MYO7A: variants seen among roughly 807,000 people sequenced by gnomAD.
The protein encoded by MYO7A is myosin VIIA.
A neutral mutation model predicts 263.8 loss-of-function variants in MYO7A; 210 were observed. That is an observed-to-expected ratio of 0.80 (90% CI 0.71 to 0.89). MYO7A has a LOEUF of 0.89. Among genes scored for constraint, MYO7A ranks in the 40% least tolerant of loss-of-function variants. The pLI is 0.00. For missense variants in MYO7A, 2,820 were observed against 2,968.3 expected, an observed-to-expected ratio of 0.95 and a Z score of 1.16; for synonymous variants, 1,239 against 1,197.3, an observed-to-expected ratio of 1.03 and a Z score of -0.72.
intron 44 of MYO7A, 64 bp from the exon 45 acceptor site, chr11:77,211,088 G>A: frequency 7.0e-7 from 1 of 1,422,050 alleles, no homozygotes; most frequent in East Asian, 2.5e-5. Flanking sequence ...GTCTTGGTGT[G>A]GTGGGAAAGG....
At chr11:77,191,934 T>C (rs980404197) in intron 30 of MYO7A, 117 bp from the exon 31 acceptor site, 3 of 862,850 alleles carry the variant, frequency 3.5e-6, no homozygotes, top group Non-Finnish European at 3.6e-6. Flanking sequence ...GCCTTGGACG[T>C]GTCCCTGCCC....
chr11:77,169,501 C>T (rs1225840147), intron 15 of MYO7A, among the ~76,000 whole-genome samples: 2 of 152,228 alleles, frequency 1.3e-5, no homozygotes, highest in East Asian at 3.8e-4. Flanking sequence ...CTCTCAGATC[C>T]TTTCTGGGGA....
intron 4 of MYO7A, among the ~76,000 whole-genome samples, chr11:77,154,907 G>T (rs548008223): frequency 1.3e-5 from 2 of 152,044 alleles, no homozygotes; most frequent in Non-Finnish European, 2.9e-5. Flanking sequence ...CTCTCCCTGC[G>T]TGGCCACAGT....
intron 46 of MYO7A, chr11:77,212,205 A>C (rs1285157761): frequency 1.7e-6 from 1 of 584,886 alleles, no homozygotes; most frequent in East Asian, 3.8e-5. Flanking sequence ...GTGTTCTGAC[A>C]CTGGGGAGCC....
chr11:77,147,665 T>G, intron 3 of MYO7A, 133 bp from the exon 4 acceptor site: 16 of 1,151,934 alleles, frequency 1.4e-5, no homozygotes, highest in South Asian at 4.3e-5. Flanking sequence ...ACTGACAGTG[T>G]CTGGCTGCCA....
rs1478464275 is a variant in MYO7A at position 77,203,068 on chromosome 11, C to T, written c.5177C>T (p.Pro1726Leu). ...EFSYDYFRPP[P>L]KHTLSRVMVS... ...TCCCTGTGCTGCGGCAGGCCCCCAC[C>T]CAAGCACACGCTGAGCCGTGTCATG... The change falls in exon 38 of 49, where the codon CCC becomes CTC. Residue 1726 changes from proline (P) to leucine (L), a missense_variant. Physicochemically the swap from Pro to Leu is moderately conservative, Grantham distance 98. Transcript: ENST00000409709. The T allele has an allele frequency of 3.2e-6, 5 of 1,548,008 alleles. No homozygotes were observed. The South Asian group carries it at 4.8e-5, about 15-fold the overall frequency.
intron 19 of MYO7A, 58 bp downstream of exon 19, chr11:77,177,701 G>A (rs1412178848): frequency 3.5e-6 from 5 of 1,441,664 alleles, no homozygotes; most frequent in Non-Finnish European, 3.8e-6. Flanking sequence ...TACGTGTGGT[G>A]TTTGGCTCTC....
At chr11:77,192,474 G>A (rs1956166892) in intron 31 of MYO7A, among the ~76,000 whole-genome samples, 196 bp downstream of exon 31, 1 of 152,196 alleles carries the variant, frequency 6.6e-6, no homozygotes. Context: ...GATGGCGGGA[G>A]CAAGGGCTTC....
chr11:77,133,402 A>C (rs1267475421), intron 2 of MYO7A, among the ~76,000 whole-genome samples: 2 of 152,104 alleles, frequency 1.3e-5, no homozygotes, highest in African/African-American at 4.8e-5. Flanking sequence ...GGGCAGAGGG[A>C]GGTTTGAAGA....
In MYO7A at chr11:77,162,296, T is replaced by A. The variant is rs1953075440; in HGVS notation, c.1520T>A (p.Ile507Asn). Residue 507 changes from isoleucine (I) to asparagine (N), a missense_variant, in exon 13 of 49, where the codon ATC becomes AAC. Coordinates refer to ENST00000409709, the MANE Select transcript of MYO7A (RefSeq NM_000260.4). ...ATTGCCAACAAGCCCATGAACATCATCTCCCTCATCGATGAGGAGAGCAAG... is the reference window on the plus strand; with the variant it reads ...ATTGCCAACAAGCCCATGAACATCAACTCCCTCATCGATGAGGAGAGCAAG... ...DMIANKPMNI[I>N]SLIDEESKFP... 1 of 1,552,000 alleles carries A rather than the reference T, an allele frequency of 6.4e-7. No homozygotes were observed. The highest frequency in any genetic ancestry group is 1.2e-5 in the South Asian group (1 of 84,066).
chr11:77,162,073 T>A, intron 12 of MYO7A, 47 bp from the exon 13 acceptor site: 1 of 1,524,802 alleles, frequency 6.6e-7, no homozygotes, highest in Non-Finnish European at 8.9e-7. Flanking sequence ...CTGAACAGCA[T>A]GGTGGGGCCT....
chr11:77,185,856 T>C (rs1955607681), intron 27 of MYO7A, among the ~76,000 whole-genome samples: 1 of 152,066 alleles, frequency 6.6e-6, no homozygotes, highest in Non-Finnish European at 1.5e-5. Flanking sequence ...TACTCCTTGA[T>C]CCATAGGTTG....
chr11:77,213,933 T>C lies in MYO7A; in HGVS notation c.6512T>C (p.Ile2171Thr), dbSNP rs1591515086. 3.1e-6 allele frequency: 5 copies of C among 1,614,022 alleles called. No homozygotes were observed. Among genetic ancestry groups the C allele is most frequent in the South Asian group, 2.2e-5 (2 of 91,080 alleles). ...SSGNTYFHIT[I>T]GNLVRGSKLL... ...GGCAACACCTACTTCCACATCACCA[T>C]TGGGAACTTGGTGCGCGGGAGCAAA... The change falls in exon 48 of 49, where the codon ATT (isoleucine) becomes ACT (threonine). Residue 2171 changes from isoleucine (I) to threonine (T), a missense_variant. Ile to Thr is a moderately conservative substitution (Grantham distance 89, BLOSUM62 -1). Transcript: ENST00000409709.
intron 27 of MYO7A, 54 bp from the exon 28 acceptor site, chr11:77,189,290 C>A (rs879958307): frequency 2.5e-6 from 4 of 1,605,332 alleles, no homozygotes; most frequent in Non-Finnish European, 3.4e-6. Flanking sequence ...GAGGTGGGGA[C>A]CGGGGCTGTT....
intron 4 of MYO7A, among the ~76,000 whole-genome samples, chr11:77,149,227 A>T (rs1951800943): frequency 7.1e-6 from 1 of 140,784 alleles, no homozygotes; most frequent in African/African-American, 2.7e-5. Context: ...AGCAGAGAGC[A>T]GGAGGGACCC....
At chr11:77,134,774 C>T (rs1318832323) in intron 2 of MYO7A, among the ~76,000 whole-genome samples, 2 of 149,708 alleles carry the variant, frequency 1.3e-5, no homozygotes, top group Non-Finnish European at 3.0e-5. Flanking sequence ...CAACATATAC[C>T]ACTTAACTTT....
intron 27 of MYO7A, among the ~76,000 whole-genome samples, chr11:77,186,148 C>G (rs1265157137): frequency 1.3e-5 from 2 of 152,106 alleles, no homozygotes; most frequent in East Asian, 3.9e-4. Context: ...TCTTGAACTC[C>G]TGACCCTGTG....
In MYO7A at chr11:77,190,802, G is replaced by A. The variant is rs727503328; in HGVS notation, c.3856G>A (p.Ala1286Thr). The change falls in exon 30 of 49, where the codon GCG becomes ACG. Residue 1286 changes from alanine (A) to threonine (T), a missense_variant. Ala to Thr is a moderately conservative substitution (Grantham distance 58). Coordinates refer to ENST00000409709, the MANE Select transcript of MYO7A (RefSeq NM_000260.4). ...SATTAKELCNALADKISLKDR... is the reference protein window; with the variant it reads ...SATTAKELCNTLADKISLKDR... ...AACCACGGCCAAGGAGCTCTGCAAC[G>A]CGCTGGCCGACAAGATCTCTCTCAA... is the stretch of plus-strand genomic sequence containing the variant. The A allele has an allele frequency of 4.1e-5, 66 of 1,592,094 alleles. No homozygotes were observed. In the South Asian group the frequency reaches 6.1e-4, roughly 15 times the overall value.
chr11:77,143,648 C>T (rs1044108465), intron 3 of MYO7A, among the ~76,000 whole-genome samples: 2 of 152,164 alleles, frequency 1.3e-5, no homozygotes, highest in Non-Finnish European at 2.9e-5. Flanking sequence ...GTGCAGAGCA[C>T]ACAGGGGCAG....
Sources: gnomAD v4.1 joint callset for allele counts (sites outside exome capture counted in the v4.1 genomes callset) on GRCh38, gnomAD v4.1.1 for gene constraint, MANE v1.5 for transcripts, NCBI Gene and HGNC (gene_info 2026-07-23, HGNC 2026-07-21) for gene names.